Variants in PRELID2 observed in about 807,000 individuals in gnomAD.
The protein encoded by PRELID2 is PRELI domain containing 2.
In PRELID2, 25 loss-of-function variants were observed where a neutral mutation model predicts 28.4. The observed-to-expected ratio is 0.88, with a 90% CI of 0.64 to 1.23. The LOEUF (loss-of-function observed/expected upper bound fraction) is 1.23. Ranked by LOEUF, PRELID2 falls within the 50% of genes most tolerant of loss-of-function variation. The pLI, the probability that PRELID2 is intolerant of heterozygous loss-of-function variation, is 0.00. For synonymous variants in PRELID2, 76 were observed against 71.6 expected (o/e 1.06, Z -0.31); for missense variants, 201 against 214.4 (o/e 0.94, Z 0.39).
chr5:145,253,838 C>CAA, the PRELID2 span, among the ~76,000 whole-genome samples: 24 of 142,388 alleles, frequency 1.7e-4, no homozygotes, highest in African/African-American at 5.1e-4. Context: ...CTAAAAAAAA[C>CAA]AAAAAAAACA....
the PRELID2 span, among the ~76,000 whole-genome samples, chr5:145,275,704 G>A: frequency 6.6e-6 from 1 of 152,052 alleles, no homozygotes; most frequent in African/African-American, 2.4e-5. Flanking sequence ...ACTCTTTATT[G>A]GTGCATTGGG....
chr5:145,501,241 T>C (rs1580960223), intron 1 of PRELID2, among the ~76,000 whole-genome samples: 1 of 152,168 alleles, frequency 6.6e-6, no homozygotes, highest in African/African-American at 2.4e-5. Flanking sequence ...ATTTCATTAC[T>C]GTCCTATAAA....
chr5:145,492,970 C>T (rs1469578513), intron 1 of PRELID2, among the ~76,000 whole-genome samples: 1 of 140,548 alleles, frequency 7.1e-6, no homozygotes, highest in East Asian at 2.0e-4. Context: ...AGTCAATGTT[C>T]TGTATTCACT....
the PRELID2 span, among the ~76,000 whole-genome samples, chr5:145,249,468 C>T: frequency 6.6e-5 from 10 of 152,082 alleles, no homozygotes; most frequent in African/African-American, 2.4e-4. Flanking sequence ...GTTACATTCC[C>T]ATAGTCTATT....
At chr5:145,327,975 C>A in the PRELID2 span, among the ~76,000 whole-genome samples, 1 of 152,014 alleles carries the variant, frequency 6.6e-6, no homozygotes, top group Admixed American at 6.6e-5. Flanking sequence ...TGATGTTCCC[C>A]TCCCGGTGTC....
At chr5:145,651,504 C>T (rs566783749) in intron 1 of PRELID2, among the ~76,000 whole-genome samples, 2 of 152,288 alleles carry the variant, frequency 1.3e-5, no homozygotes, top group South Asian at 4.1e-4. Flanking sequence ...GGGAGGCACC[C>T]CCAGTAGGGG....
At chr5:145,309,565 G>A in the PRELID2 span, among the ~76,000 whole-genome samples, 1 of 151,980 alleles carries the variant, frequency 6.6e-6, no homozygotes, top group African/African-American at 2.4e-5. Context: ...TTATAAGATG[G>A]GCCTAATAAA....
chr5:145,341,104 G>A, the PRELID2 span, among the ~76,000 whole-genome samples: 1 of 151,504 alleles, frequency 6.6e-6, no homozygotes, highest in African/African-American at 2.4e-5. Context: ...TCAGGGAAAA[G>A]TACTCCACTA....
At chr5:145,667,009 G>C (rs1459832385) in intron 1 of PRELID2, among the ~76,000 whole-genome samples, 2 of 152,088 alleles carry the variant, frequency 1.3e-5, no homozygotes, top group East Asian at 3.9e-4. Flanking sequence ...AGAAGTTTTT[G>C]TTACTGGCAA....
chr5:145,451,386 C>T, the PRELID2 span, among the ~76,000 whole-genome samples: 1 of 152,204 alleles, frequency 6.6e-6, no homozygotes, highest in Non-Finnish European at 1.5e-5. Flanking sequence ...CCTTACCGGT[C>T]ATCTTTGTTT....
At chr5:145,267,266 G>C in the PRELID2 span, among the ~76,000 whole-genome samples, 2 of 152,146 alleles carry the variant, frequency 1.3e-5, no homozygotes, top group African/African-American at 4.8e-5. Context: ...CTGATTAGAT[G>C]GTGCCCACCC....
intron 1 of PRELID2, among the ~76,000 whole-genome samples, chr5:145,747,298 A>C (rs1030784085): frequency 2.0e-5 from 3 of 151,894 alleles, no homozygotes; most frequent in Admixed American, 2.0e-4. Flanking sequence ...ACTAATAAAG[A>C]AAAGAGAAGA....
At chr5:145,419,010 G>T in the PRELID2 span, among the ~76,000 whole-genome samples, 1 of 150,722 alleles carries the variant, frequency 6.6e-6, no homozygotes, top group African/African-American at 2.4e-5. Context: ...ATAGTTTACT[G>T]AGAATGATGA....
chr5:145,739,744 T>C (rs1756598940), intron 1 of PRELID2, among the ~76,000 whole-genome samples: 1 of 151,970 alleles, frequency 6.6e-6, no homozygotes, highest in South Asian at 2.1e-4. Flanking sequence ...TACATTTCAC[T>C]GGGAGTGATA....
chr5:145,790,715 G>GTT (rs1752313280), intron 5 of PRELID2, among the ~76,000 whole-genome samples: 3 of 70,998 alleles, frequency 4.2e-5, no homozygotes, highest in Non-Finnish European at 9.7e-5. Flanking sequence ...GTGTGTGTGT[G>GTT]TGTGTGTATA....
chr5:145,551,914 G>A (rs1167398028), intron 1 of PRELID2, among the ~76,000 whole-genome samples: 1 of 152,094 alleles, frequency 6.6e-6, no homozygotes, highest in Non-Finnish European at 1.5e-5. Flanking sequence ...CCAGCAGGGA[G>A]GTACCAGGGC....
intron 5 of PRELID2, chr5:145,795,189 T>C (rs927072735): frequency 1.3e-5 from 2 of 152,190 alleles, no homozygotes; most frequent in African/African-American, 4.8e-5. Context: ...TCAGTTCCAC[T>C]ATTTTTAGAA....
chr5:145,487,382 T>C (rs1752227730), intron 1 of PRELID2, among the ~76,000 whole-genome samples: 1 of 152,192 alleles, frequency 6.6e-6, no homozygotes, highest in African/African-American at 2.4e-5. Context: ...AGGTGGAAAC[T>C]ATCTGATCCC....
chr5:145,451,408 A>G, the PRELID2 span, among the ~76,000 whole-genome samples: 1 of 152,220 alleles, frequency 6.6e-6, no homozygotes, highest in African/African-American at 2.4e-5. Context: ...CTGAACAACT[A>G]GAACACTAGC....
Sources: gnomAD v4.1 joint callset for allele counts (sites outside exome capture counted in the v4.1 genomes callset) on GRCh38, gnomAD v4.1.1 for gene constraint, MANE v1.5 for transcripts, NCBI Gene and HGNC (gene_info 2026-07-23, HGNC 2026-07-21) for gene names.